BAZ2B: variants seen among roughly 807,000 people sequenced by gnomAD.
The protein encoded by BAZ2B is bromodomain adjacent to zinc finger domain protein 2B.
Under a neutral mutation model 246.0 loss-of-function variants are expected in BAZ2B, and 91 were observed. The observed-to-expected ratio is 0.37, with a 90% CI of 0.31 to 0.44. BAZ2B has a LOEUF of 0.44. BAZ2B is among the 20% of genes least tolerant of loss of function. The pLI, the probability that BAZ2B is intolerant of heterozygous loss-of-function variation, is 1.00. For synonymous variants in BAZ2B, 855 were observed against 860.0 expected (o/e 0.99, Z 0.10); for missense variants, 2,332 against 2,533.7 (o/e 0.92, Z 1.71).
chr2:159,695,741 A>G, the BAZ2B span, among the ~76,000 whole-genome samples: 1 of 151,884 alleles, frequency 6.6e-6, no homozygotes, highest in Non-Finnish European at 1.5e-5. Context: ...TGATCTATAT[A>G]TCTTTTTTTA....
At chr2:159,419,329 C>T (rs1549115) in intron 13 of BAZ2B, among the ~76,000 whole-genome samples, 47,747 of 151,846 alleles carry the variant, frequency 0.31, 9,377 homozygotes, top group Non-Finnish European at 0.46. Flanking sequence ...ATATTTGCGA[C>T]GAAATTTGAC....
At chr2:159,531,648 T>C (rs956229656) in intron 2 of BAZ2B, among the ~76,000 whole-genome samples, 17 of 152,144 alleles carry the variant, frequency 1.1e-4, no homozygotes, top group Non-Finnish European at 2.2e-4. Flanking sequence ...AAAGCTGCCA[T>C]TTTTCTTCCT....
intron 2 of BAZ2B, among the ~76,000 whole-genome samples, chr2:159,525,379 G>C (rs2084623980): frequency 6.6e-6 from 1 of 152,166 alleles, no homozygotes; most frequent in Admixed American, 6.5e-5. Context: ...TTAATATACA[G>C]GTTGAATATC....
chr2:159,579,547 A>G (rs1686208471), intron 1 of BAZ2B, among the ~76,000 whole-genome samples: 1 of 152,214 alleles, frequency 6.6e-6, no homozygotes, highest in Admixed American at 6.5e-5. Context: ...TCAATAGAAA[A>G]AGAGGGAATC....
intron 13 of BAZ2B, among the ~76,000 whole-genome samples, chr2:159,421,550 T>C (rs1347707733): frequency 6.6e-6 from 1 of 152,146 alleles, no homozygotes; most frequent in African/African-American, 2.4e-5. Flanking sequence ...ATAATTACAT[T>C]GTTGTCCTTC....
chr2:159,654,326 G>C, the BAZ2B span, among the ~76,000 whole-genome samples: 9 of 152,188 alleles, frequency 5.9e-5, no homozygotes, highest in African/African-American at 2.2e-4. Context: ...AGGAGCACAG[G>C]GTTGAAATAT....
chr2:159,645,309 A>T, the BAZ2B span, among the ~76,000 whole-genome samples: 13 of 151,958 alleles, frequency 8.6e-5, no homozygotes, highest in Non-Finnish European at 1.5e-4. Context: ...CCTCTGCTAA[A>T]TACCCAATTT....
the BAZ2B span, among the ~76,000 whole-genome samples, chr2:159,636,122 T>TA: frequency 6.6e-6 from 1 of 152,152 alleles, no homozygotes; most frequent in African/African-American, 2.4e-5. Context: ...GGTGGCAGAA[T>TA]AGAAGCCTAC....
intron 32 of BAZ2B, 90 bp from the exon 33 acceptor site, chr2:159,337,167 T>C (rs1212781682): frequency 2.1e-6 from 3 of 1,455,860 alleles, no homozygotes; most frequent in African/African-American, 1.4e-5. Context: ...AGCCAAGCAA[T>C]GACAAAAACA....
At chr2:159,385,030 C>A (rs995034197) in intron 23 of BAZ2B, 125 bp downstream of exon 23, 32 of 981,976 alleles carry the variant, frequency 3.3e-5, no homozygotes, top group Non-Finnish European at 4.4e-5. Context: ...GAGATAAGTA[C>A]AATTTTAATT....
chr2:159,368,739 C>T (rs2060487228), intron 27 of BAZ2B, among the ~76,000 whole-genome samples: 1 of 151,320 alleles, frequency 6.6e-6, no homozygotes, highest in African/African-American at 2.4e-5. Context: ...AATTCATATA[C>T]AGCTTATTAA....
intron 20 of BAZ2B, among the ~76,000 whole-genome samples, chr2:159,389,807 A>C (rs1204564859): frequency 6.6e-6 from 1 of 152,192 alleles, no homozygotes; most frequent in African/African-American, 2.4e-5. Context: ...TGGCTCCAGC[A>C]AGCAAATGAT....
At chr2:159,661,067 C>G in the BAZ2B span, among the ~76,000 whole-genome samples, 1 of 152,052 alleles carries the variant, frequency 6.6e-6, no homozygotes, top group Non-Finnish European at 1.5e-5. Context: ...TTTTTTCATC[C>G]CTTTTGTAAT....
the BAZ2B span, chr2:159,689,813 A>T: frequency 2.0e-6 from 1 of 502,920 alleles, no homozygotes; most frequent in Non-Finnish European, 3.6e-6. Flanking sequence ...TTGGGTCATG[A>T]TTTCCATCAT....
intron 2 of BAZ2B, among the ~76,000 whole-genome samples, chr2:159,499,991 T>TCC (rs1437642512): frequency 7.2e-5 from 11 of 152,110 alleles, no homozygotes; most frequent in Admixed American, 1.3e-4. Context: ...GATGATAGTT[T>TCC]CTTTTACTGT....
chr2:159,389,484 T>C lies in BAZ2B; in HGVS notation c.3077A>G (p.Glu1026Gly). 1 of 1,598,654 alleles carries C rather than the reference T, an allele frequency of 6.3e-7. No homozygotes were observed. Among genetic ancestry groups the C allele is most frequent in the Non-Finnish European group, 8.5e-7 (1 of 1,174,300 alleles). The stretch of plus-strand genomic sequence containing the variant: ...TTTTTCTTGTTTCAACCGCTCTTTT[T>C]CCTTAAAAAGAAAACCATGTACACA... The part of the protein sequence containing the change: ...KAMEARKKAE[E>G]KERLKQEKRD... Residue 1026 changes from glutamate (E) to glycine (G), a missense_variant and splice_region_variant, in exon 21 of 37, where the codon GAA becomes GGA. Transcript: ENST00000392783.
rs373439599 is a variant in BAZ2B at position 159,428,035 on chromosome 2, C to T, written c.2372G>A (p.Ser791Asn). The change falls in exon 13 of 37, where the codon AGC becomes AAC. Residue 791 changes from serine to asparagine, a missense_variant. By Grantham distance (46) the Ser-to-Asn change is conservative. Transcript: ENST00000392783. The stretch of plus-strand genomic sequence containing the variant: ...TGAGATATCCATTATTCCATTTCTG[C>T]TGAGATACTGAAAAAATCACATATT... ...RQYPEVIKYLSRNGIMDISRD... is the reference protein window; with the variant it reads ...RQYPEVIKYLNRNGIMDISRD... 9.9e-6 allele frequency: 16 copies of T among 1,612,534 alleles called. No homozygotes were observed. Among genetic ancestry groups the T allele is most frequent in the South Asian group, 2.2e-5 (2 of 90,904 alleles).
chr2:159,552,237 C>T (rs959775578), intron 2 of BAZ2B, among the ~76,000 whole-genome samples: 1 of 152,052 alleles, frequency 6.6e-6, no homozygotes, highest in East Asian at 1.9e-4. Context: ...TTAATAGGTC[C>T]AATTGGCCTC....
intron 27 of BAZ2B, among the ~76,000 whole-genome samples, chr2:159,366,249 C>T (rs1282799827): frequency 6.6e-6 from 1 of 152,200 alleles, no homozygotes; most frequent in Admixed American, 6.5e-5. Context: ...CAAATACTTC[C>T]ACTTCAGACC....
Sources: gnomAD v4.1 joint callset for allele counts (sites outside exome capture counted in the v4.1 genomes callset) on GRCh38, gnomAD v4.1.1 for gene constraint, MANE v1.5 for transcripts, NCBI Gene and HGNC (gene_info 2026-07-23, HGNC 2026-07-21) for gene names.